Variants in PRELID2 observed in about 807,000 individuals in gnomAD.
PRELID2 encodes the protein PRELI domain-containing protein 2.
PRELID2 carries 25 observed loss-of-function variants against 28.4 expected under a neutral mutation model. That is an observed-to-expected ratio of 0.88 (90% CI 0.64 to 1.23). The LOEUF is 1.23. Among genes scored for constraint, PRELID2 ranks in the 50% most tolerant of loss-of-function variants. The probability of loss-of-function intolerance (pLI) is 0.00; values close to 1 mark genes in which losing one functional copy is unlikely to be tolerated. For synonymous variants in PRELID2, 76 were observed against 71.6 expected, an observed-to-expected ratio of 1.06 and a Z score of -0.31; for missense variants, 201 against 214.4, an observed-to-expected ratio of 0.94 and a Z score of 0.39.
At chr5:145,767,770 G>A (rs1466491025) in intron 5 of PRELID2, among the ~76,000 whole-genome samples, 1 of 152,186 alleles carries the variant, frequency 6.6e-6, no homozygotes, top group Non-Finnish European at 1.5e-5. Flanking sequence ...CCATTTCAAT[G>A]TGATTCTGAA....
intron 1 of PRELID2, among the ~76,000 whole-genome samples, chr5:145,668,342 T>C (rs892950888): frequency 1.3e-5 from 2 of 149,176 alleles, no homozygotes; most frequent in African/African-American, 2.5e-5. Flanking sequence ...ATTGATTATA[T>C]AGAAATGGAT....
chr5:145,787,256 A>G (rs1026816790), intron 5 of PRELID2, among the ~76,000 whole-genome samples: 7 of 152,258 alleles, frequency 4.6e-5, no homozygotes, highest in African/African-American at 1.7e-4. Context: ...GGCTAAAAAA[A>G]GAATGCTTGC....
At chr5:145,734,338 T>C (rs1325882256) in intron 1 of PRELID2, among the ~76,000 whole-genome samples, 1 of 152,166 alleles carries the variant, frequency 6.6e-6, no homozygotes, top group African/African-American at 2.4e-5. Context: ...TTTGGTAAGG[T>C]ATTACATTTG....
chr5:145,400,408 A>G, the PRELID2 span, among the ~76,000 whole-genome samples: 6 of 151,990 alleles, frequency 3.9e-5, no homozygotes, highest in African/African-American at 1.4e-4. Context: ...TGAATTGTTA[A>G]TCCTCTCCTG....
the PRELID2 span, among the ~76,000 whole-genome samples, chr5:145,247,311 T>C: frequency 6.6e-6 from 1 of 152,124 alleles, no homozygotes; most frequent in Non-Finnish European, 1.5e-5. Flanking sequence ...ATTTGAGTAA[T>C]AATAAAACTC....
the PRELID2 span, among the ~76,000 whole-genome samples, chr5:145,365,729 A>C: frequency 7.4e-4 from 112 of 152,038 alleles, no homozygotes; most frequent in Middle Eastern, 3.4e-3. Context: ...TAACTGATGG[A>C]GTGGCCTAGA....
At chr5:145,270,617 C>T in the PRELID2 span, among the ~76,000 whole-genome samples, 1 of 152,026 alleles carries the variant, frequency 6.6e-6, no homozygotes, top group Non-Finnish European at 1.5e-5. Flanking sequence ...ATGATTAAAG[C>T]TGCTCTAAAT....
At position 145,761,331 on chromosome 5, in the gene PRELID2, G is replaced by A. The variant is rs377205535; in HGVS notation, c.*11-806C>T. On this transcript the variant is annotated intron_variant, in intron 6 of 6. Coordinates refer to ENST00000683046, the MANE Select transcript of PRELID2 (RefSeq NM_205846.3). ...CCTATATGTCTACTCCATTGTGTAC[G>A]CGCATTGGAACTTTATGAGCAATTT... 5.9e-5 allele frequency among the ~76,000 whole-genome samples: 9 copies of A among 152,224 alleles called. No individual in the cohort carries two copies. In the East Asian group the frequency reaches 7.7e-4, roughly 13 times the overall value.
intron 1 of PRELID2, among the ~76,000 whole-genome samples, chr5:145,484,277 G>T (rs138553169): frequency 9.9e-4 from 151 of 152,266 alleles, no homozygotes; most frequent in Non-Finnish European, 4.6e-4. Context: ...CAGGGACACC[G>T]TAAGCATCCC....
chr5:145,348,326 C>T, the PRELID2 span, among the ~76,000 whole-genome samples: 2 of 152,084 alleles, frequency 1.3e-5, no homozygotes, highest in South Asian at 2.1e-4. Context: ...TTCCTTTGTT[C>T]CTAATCTGAG....
chr5:145,506,377 G>C (rs1162204569), intron 1 of PRELID2, among the ~76,000 whole-genome samples: 1 of 152,096 alleles, frequency 6.6e-6, no homozygotes, highest in Admixed American at 6.6e-5. Context: ...GTGCATATTT[G>C]TGCATGGGTC....
intron 1 of PRELID2, among the ~76,000 whole-genome samples, chr5:145,618,062 A>G (rs919715044): frequency 6.6e-6 from 1 of 151,898 alleles, no homozygotes; most frequent in African/African-American, 2.4e-5. Context: ...TATCTATTTC[A>G]TTGAATATTT....
intron 1 of PRELID2, among the ~76,000 whole-genome samples, chr5:145,557,576 G>A (rs1443846343): frequency 1.3e-5 from 2 of 152,230 alleles, no homozygotes; most frequent in African/African-American, 4.8e-5. Flanking sequence ...CAGAACACCA[G>A]AGGAGATGCC....
intron 1 of PRELID2, among the ~76,000 whole-genome samples, chr5:145,619,312 A>C (rs1181842789): frequency 6.6e-6 from 1 of 152,170 alleles, no homozygotes; most frequent in Non-Finnish European, 1.5e-5. Flanking sequence ...CACGCTCCCA[A>C]AGGACCTGTG....
the PRELID2 span, among the ~76,000 whole-genome samples, chr5:145,394,333 C>CA: frequency 8.1e-5 from 12 of 147,440 alleles, no homozygotes; most frequent in Non-Finnish European, 1.6e-4. Flanking sequence ...ATCACAAGGA[C>CA]AAAAAAACCA....
the PRELID2 span, among the ~76,000 whole-genome samples, chr5:145,281,068 C>T: frequency 6.6e-6 from 1 of 152,250 alleles, no homozygotes; most frequent in East Asian, 1.9e-4. Flanking sequence ...GCTCCATTCT[C>T]AGGCTCTCTC....
chr5:145,782,636 C>A (rs1751708386), intron 5 of PRELID2, among the ~76,000 whole-genome samples: 1 of 152,086 alleles, frequency 6.6e-6, no homozygotes, highest in Admixed American at 6.5e-5. Context: ...TTTTAACAAC[C>A]CTACCACATG....
chr5:145,558,436 C>T (rs1478979861), intron 1 of PRELID2, among the ~76,000 whole-genome samples: 1 of 152,168 alleles, frequency 6.6e-6, no homozygotes, highest in African/African-American at 2.4e-5. Flanking sequence ...TGTGGGAAGA[C>T]TAAAAATTCC....
intron 1 of PRELID2, among the ~76,000 whole-genome samples, chr5:145,724,594 T>C (rs1756078380): frequency 2.1e-5 from 1 of 47,754 alleles, no homozygotes; most frequent in African/African-American, 1.1e-4. Flanking sequence ...TAACAAGAAG[T>C]AAATAAATAT....
Sources: gnomAD v4.1 joint callset for allele counts (sites outside exome capture counted in the v4.1 genomes callset) on GRCh38, gnomAD v4.1.1 for gene constraint, MANE v1.5 for transcripts, NCBI Gene and HGNC (gene_info 2026-07-23, HGNC 2026-07-21) for gene names.